Variants in LGR4 observed in about 807,000 individuals in gnomAD.
The protein encoded by LGR4 is leucine-rich repeat-containing G protein-coupled receptor 4.
LGR4 carries 44 observed loss-of-function variants against 84.8 expected under a neutral mutation model. That is an observed-to-expected ratio of 0.52 (90% CI 0.41 to 0.67). LGR4 has a LOEUF of 0.67. Ranked by LOEUF, LGR4 falls within the 30% of genes least tolerant of loss-of-function variation. The probability of loss-of-function intolerance (pLI) is 0.00; values close to 1 mark genes in which losing one functional copy is unlikely to be tolerated. For missense variants in LGR4, 1,032 were observed against 1,131.4 expected (o/e 0.91, Z 1.26); for synonymous variants, 429 against 434.3 (o/e 0.99, Z 0.15).
Position 27,367,837 on chromosome 11 carries a change from G to C in LGR4, c.*30C>G. The C allele has an allele frequency of 6.6e-7, 1 of 1,507,116 alleles. No individual in the cohort carries two copies. The highest frequency in any genetic ancestry group is 8.9e-7 in the Non-Finnish European group (1 of 1,119,854). 93.4% of individuals were successfully genotyped at this position (1,507,116 alleles called of 1,614,324 possible). On this transcript the variant is annotated 3_prime_UTR_variant, in exon 18 of 18. Transcript: ENST00000379214. Reference sequence around the variant, plus strand: ...CACTCTATAAACACTGATTTTGGTTGACGGGGGAAACGGTTACACACACAG... The same window carrying C: ...CACTCTATAAACACTGATTTTGGTTCACGGGGGAAACGGTTACACACACAG...
rs1307336368 is a variant in LGR4, at chr11:27,368,594, A to G, written c.2129T>C (p.Leu710Ser). Residue 710 changes from leucine to serine, a missense_variant, in exon 18 of 18, where the codon TTA becomes TCA. Transcript: ENST00000379214. ...ETPSLGFTVTLVLLNSLAFLL... is the reference protein window; with the variant it reads ...ETPSLGFTVTSVLLNSLAFLL... ...AAATGCTAGTGAGTTTAATAGCACT[A>G]ACGTTACAGTGAATCCTAATGATGG... is the stretch of plus-strand genomic sequence containing the variant. The G allele has an allele frequency of 6.2e-7, 1 of 1,613,700 alleles. No homozygotes were observed. The highest frequency in any genetic ancestry group is 1.7e-5 in the Admixed American group (1 of 59,992).
chr11:27,458,816 G>A (rs541829539), intron 1 of LGR4, among the ~76,000 whole-genome samples: 31 of 152,276 alleles, frequency 2.0e-4, no homozygotes, highest in Non-Finnish European at 2.6e-4. Context: ...TGGGACTACA[G>A]GCATGAGTTA....
intron 1 of LGR4, among the ~76,000 whole-genome samples, chr11:27,418,816 T>C (rs2133406037): frequency 6.6e-6 from 1 of 150,964 alleles, no homozygotes; most frequent in Non-Finnish European, 1.5e-5. Flanking sequence ...GATCATCTAC[T>C]TTCGTGGATT....
At chr11:27,433,342 A>C (rs1864147215) in intron 1 of LGR4, among the ~76,000 whole-genome samples, 1 of 151,924 alleles carries the variant, frequency 6.6e-6, no homozygotes, top group East Asian at 1.9e-4. Context: ...ACTCCCCAGT[A>C]GTTGGGACCA....
intron 1 of LGR4, among the ~76,000 whole-genome samples, chr11:27,413,521 C>G (rs1863750057): frequency 6.6e-6 from 1 of 152,106 alleles, no homozygotes; most frequent in Admixed American, 6.6e-5. Context: ...CTTTATTAAC[C>G]ATTTCCCTCC....
chr11:27,446,929 G>T (rs1374651541), intron 1 of LGR4, among the ~76,000 whole-genome samples: 2 of 151,752 alleles, frequency 1.3e-5, no homozygotes, highest in African/African-American at 2.4e-5. Context: ...GCAAACTATC[G>T]CAAGGACAGA....
At chr11:27,397,321 T>C (rs1863410842) in intron 2 of LGR4, among the ~76,000 whole-genome samples, 1 of 152,150 alleles carries the variant, frequency 6.6e-6, no homozygotes, top group South Asian at 2.1e-4. Context: ...GACAAAGCTA[T>C]CCCATTGGGT....
chr11:27,425,416 G>A (rs889046542), intron 1 of LGR4, among the ~76,000 whole-genome samples: 9 of 150,546 alleles, frequency 6.0e-5, no homozygotes, highest in Non-Finnish European at 1.0e-4. Flanking sequence ...CTGCAGCCTC[G>A]ACCTCCTGGT....
In LGR4 at chr11:27,466,809, A is replaced by C. The variant is rs373846355; in HGVS notation, c.185+5309T>G. ...TTTTTTATTTTTTTTTCTTGAGAGG[A>C]GTCTCGCTCTGTTGCCCAGGCTGGA... On this transcript the variant is annotated intron_variant, in intron 1 of 17. Transcript: ENST00000379214. Among the ~76,000 whole-genome samples, 38 of 152,044 alleles carry C rather than the reference A, an allele frequency of 2.5e-4. No individual in the cohort carries two copies. In the South Asian group the frequency reaches 7.9e-3, roughly 32 times the overall value.
chr11:27,392,927 G>A (rs1319770487), intron 2 of LGR4, among the ~76,000 whole-genome samples: 6 of 152,196 alleles, frequency 3.9e-5, no homozygotes, highest in Non-Finnish European at 7.3e-5. Flanking sequence ...AAGGAAGAAT[G>A]CTTTTGGGAG....
At chr11:27,442,862 A>C (rs1259719926) in intron 1 of LGR4, among the ~76,000 whole-genome samples, 2 of 152,218 alleles carry the variant, frequency 1.3e-5, no homozygotes, top group Non-Finnish European at 2.9e-5. Flanking sequence ...TAATTGGGTA[A>C]GAAGCAGAGT....
rs1351606655 is a variant in LGR4 at position 27,472,447 on chromosome 11, C to T, written c.-145G>A. 7 of 495,268 alleles carry T rather than the reference C, an allele frequency of 1.4e-5. No individual in the cohort carries two copies. 30.7% of individuals were successfully genotyped at this position (495,268 alleles called of 1,614,324 possible). On this transcript the variant is annotated 5_prime_UTR_variant, in exon 1 of 18. The change abolishes the stop of an existing upstream ORF in the 5' untranslated region. Transcript: ENST00000379214. ...GCGGTCCGCGCGGGCTCGGCCCCTT[C>T]AGCAGTCCGCCGCAGCGGCGCAGGG...
chr11:27,367,823 C>A lies in LGR4; in HGVS notation c.*44G>T. 7.0e-7 allele frequency: 1 copy of A among 1,418,844 alleles called. No homozygotes were observed. Among genetic ancestry groups the A allele is most frequent in the Non-Finnish European group, 9.6e-7 (1 of 1,041,810 alleles). 87.9% of individuals were successfully genotyped at this position (1,418,844 alleles called of 1,614,324 possible). ...ATGAGAATAGGGTTCACTCTATAAA[C>A]ACTGATTTTGGTTGACGGGGGAAAC... On this transcript the variant is annotated 3_prime_UTR_variant, in exon 18 of 18. Coordinates refer to ENST00000379214, the MANE Select transcript of LGR4 (RefSeq NM_018490.5).
At chr11:27,439,899 CTCTT>C (rs1238117333) in intron 1 of LGR4, among the ~76,000 whole-genome samples, 10,616 of 138,950 alleles carry the variant, frequency 0.076, 441 homozygotes, top group Non-Finnish European at 0.11. Context: ...GGTAGGATTT[CTCTT>C]TTTTTTTTTT....
chr11:27,446,572 T>A (rs1461960685), intron 1 of LGR4, among the ~76,000 whole-genome samples: 1 of 152,124 alleles, frequency 6.6e-6, no homozygotes, highest in Non-Finnish European at 1.5e-5. Flanking sequence ...TAGGAACACT[T>A]TTACACTGTT....
chr11:27,425,290 G>C (rs1306027547), intron 1 of LGR4, among the ~76,000 whole-genome samples: 1 of 151,530 alleles, frequency 6.6e-6, no homozygotes, highest in Non-Finnish European at 1.5e-5. Context: ...TGGTTGGCCT[G>C]GTACAATCGC....
chr11:27,375,452 G>A (rs1400775599), intron 13 of LGR4, among the ~76,000 whole-genome samples: 1 of 152,142 alleles, frequency 6.6e-6, no homozygotes, highest in South Asian at 2.1e-4. Flanking sequence ...GAACAAATAT[G>A]TAGTCAAATA....
chr11:27,415,110 C>T (rs939761352), intron 1 of LGR4, among the ~76,000 whole-genome samples: 2 of 152,018 alleles, frequency 1.3e-5, no homozygotes, highest in Non-Finnish European at 2.9e-5. Flanking sequence ...CTCAAGAATA[C>T]AACAAAACAT....
intron 1 of LGR4, among the ~76,000 whole-genome samples, chr11:27,415,506 G>A (rs1037169209): frequency 4.6e-5 from 7 of 152,068 alleles, no homozygotes; most frequent in African/African-American, 1.7e-4. Context: ...AGACGTAACA[G>A]GTAGTTTTGC....
Sources: gnomAD v4.1 joint callset for allele counts (sites outside exome capture counted in the v4.1 genomes callset) on GRCh38, gnomAD v4.1.1 for gene constraint, MANE v1.5 for transcripts, NCBI Gene and HGNC (gene_info 2026-07-23, HGNC 2026-07-21) for gene names.